Variants in GAS7 observed in about 807,000 individuals in gnomAD.
The protein encoded by GAS7 is growth arrest specific 7, also known as growth arrest-specific protein 7.
A neutral mutation model predicts 71.1 loss-of-function variants in GAS7; 28 were observed. That is an observed-to-expected ratio of 0.39 (90% confidence interval 0.29 to 0.54). GAS7 has a LOEUF of 0.54. GAS7 is among the 20% of genes least tolerant of loss of function. The pLI is 0.62. For synonymous variants in GAS7, 258 were observed against 245.8 expected (o/e 1.05, Z -0.46); for missense variants, 436 against 627.8 (o/e 0.69, Z 3.27).
chr17:10,015,015 T>A (rs1005960159), intron 2 of GAS7, among the ~76,000 whole-genome samples: 2 of 151,606 alleles, frequency 1.3e-5, no homozygotes, highest in Admixed American at 1.3e-4. Flanking sequence ...AATAGCTGGG[T>A]GTGGTGGCGC....
chr17:10,075,878 C>T (rs537829251), intron 1 of GAS7, among the ~76,000 whole-genome samples: 1 of 151,178 alleles, frequency 6.6e-6, no homozygotes, highest in Non-Finnish European at 1.5e-5. Context: ...GTGGGCAAAT[C>T]ACTTGAGGCT....
intron 2 of GAS7, among the ~76,000 whole-genome samples, chr17:9,989,860 A>G (rs1370141087): frequency 1.3e-5 from 2 of 152,254 alleles, no homozygotes; most frequent in Non-Finnish European, 2.9e-5. Context: ...CAGGAATCAG[A>G]GAGTGGCTTA....
chr17:10,120,836 TA>T (rs1275202646), intron 1 of GAS7, among the ~76,000 whole-genome samples: 1 of 152,196 alleles, frequency 6.6e-6, no homozygotes, highest in Admixed American at 6.5e-5. Flanking sequence ...GGCAGGCTGC[TA>T]GGGGGAGGGA....
intron 1 of GAS7, among the ~76,000 whole-genome samples, chr17:10,106,473 T>C (rs1303559363): frequency 3.9e-5 from 6 of 152,234 alleles, no homozygotes; most frequent in Non-Finnish European, 8.8e-5. Flanking sequence ...GGAGAGCTAA[T>C]GAAGAACACA....
chr17:10,047,424 C>G (rs2072994038), intron 1 of GAS7, among the ~76,000 whole-genome samples: 1 of 152,142 alleles, frequency 6.6e-6, no homozygotes, highest in African/African-American at 2.4e-5. Context: ...TCAACCTTCC[C>G]CCAAGCCGAC....
chr17:10,195,205 A>C (rs1477485408), intron 1 of GAS7, among the ~76,000 whole-genome samples: 1 of 152,040 alleles, frequency 6.6e-6, no homozygotes, highest in Admixed American at 6.6e-5. Flanking sequence ...TGCCCCAAAA[A>C]CCAAGACCTC....
In GAS7 at chr17:9,970,917, G is replaced by A. The variant is rs76284833; in HGVS notation, c.386-1155C>T. 3.1e-4 allele frequency among the ~76,000 whole-genome samples: 47 copies of A among 152,236 alleles called. No individual in the cohort carries two copies. In the East Asian group the frequency reaches 7.4e-3, roughly 24 times the overall value. ...GTGATCTCGGTTCCCAGGTGGTACC[G>A]CTCTTGTAGAAATATAACTACATAA... On this transcript the variant is annotated intron_variant, in intron 3 of 13. Coordinates refer to ENST00000432992, the MANE Select transcript of GAS7 (RefSeq NM_201433.2).
chr17:9,928,369 G>A (rs941828109), intron 9 of GAS7, among the ~76,000 whole-genome samples: 5 of 150,888 alleles, frequency 3.3e-5, no homozygotes, highest in South Asian at 2.1e-4. Context: ...TGATCCGCCC[G>A]CCTCGGCCTC....
intron 1 of GAS7, among the ~76,000 whole-genome samples, chr17:10,161,051 T>C (rs941617108): frequency 4.6e-5 from 7 of 152,030 alleles, no homozygotes; most frequent in African/African-American, 1.2e-4. Context: ...CAGTTGCAGA[T>C]GGATCCAAGC....
intron 1 of GAS7, among the ~76,000 whole-genome samples, chr17:10,027,979 G>T: frequency 6.6e-6 from 1 of 152,220 alleles, no homozygotes; most frequent in East Asian, 1.9e-4. Context: ...CGCCTCTCAG[G>T]TTTAAACAAT....
At chr17:9,921,149 A>AT (rs1306605073) in intron 11 of GAS7, among the ~76,000 whole-genome samples, 11 of 144,550 alleles carry the variant, frequency 7.6e-5, no homozygotes, top group African/African-American at 2.0e-4. Flanking sequence ...CGTAAAATGC[A>AT]TTTTTTTCTT....
At chr17:10,001,358 A>G (rs2071262360) in intron 2 of GAS7, among the ~76,000 whole-genome samples, 1 of 152,202 alleles carries the variant, frequency 6.6e-6, no homozygotes, top group Admixed American at 6.5e-5. Context: ...GAAACACTGG[A>G]AAACAGAAAA....
At chr17:9,967,457 A>T (rs2069766172) in intron 4 of GAS7, among the ~76,000 whole-genome samples, 1 of 152,130 alleles carries the variant, frequency 6.6e-6, no homozygotes, top group Admixed American at 6.5e-5. Flanking sequence ...ACGTCTCCAG[A>T]CATTGTCAAA....
rs567046591 is a variant in GAS7, at chr17:9,910,920, T to C, written c.*6308A>G. 9.1e-5 allele frequency: 21 copies of C among 231,254 alleles called. No homozygotes were observed. The highest frequency in any genetic ancestry group is 4.2e-4 in the African/African-American group (19 of 45,288). 14.3% of individuals were successfully genotyped at this position (231,254 alleles called of 1,614,324 possible). On this transcript the variant is annotated 3_prime_UTR_variant, in exon 14 of 14. Transcript: ENST00000432992. ...AGTGCTGGCGGGAGACACGGCTCTT[T>C]AACATGAAAAATGTATAAAGTATTT...
chr17:9,940,449 TAGAGCTGTGAAGACG>T (rs1203839650), intron 7 of GAS7, among the ~76,000 whole-genome samples: 1 of 152,220 alleles, frequency 6.6e-6, no homozygotes. Context: ...TCCGGTCTCC[TAGAGCTGTGAAGACG>T]AGAGCTGTCG....
At chr17:10,191,282 T>A (rs971169701) in intron 1 of GAS7, among the ~76,000 whole-genome samples, 2 of 150,550 alleles carry the variant, frequency 1.3e-5, no homozygotes, top group Non-Finnish European at 3.0e-5. Context: ...CAGAAGGCAG[T>A]GAAGAGGCTG....
intron 1 of GAS7, among the ~76,000 whole-genome samples, chr17:10,112,748 A>AG (rs2073825297): frequency 1.3e-5 from 2 of 152,112 alleles, no homozygotes; most frequent in South Asian, 4.2e-4. Flanking sequence ...TCAAAAACAA[A>AG]CAAAGAAAAG....
intron 9 of GAS7, among the ~76,000 whole-genome samples, chr17:9,931,466 C>T (rs1266958167): frequency 1.3e-5 from 2 of 152,152 alleles, no homozygotes; most frequent in Admixed American, 1.3e-4. Flanking sequence ...TGGCTCCCAG[C>T]CCCACCCCAT....
At chr17:10,029,459 G>A (rs946222344) in intron 1 of GAS7, among the ~76,000 whole-genome samples, 18 of 152,124 alleles carry the variant, frequency 1.2e-4, no homozygotes, top group South Asian at 2.1e-4. Context: ...AAATGCATAC[G>A]TAATTATGCA....
Sources: allele counts gnomAD v4.1 joint callset (sites outside exome capture counted in the v4.1 genomes callset), GRCh38; gene constraint gnomAD v4.1.1; transcripts MANE v1.5; gene names NCBI Gene and HGNC (gene_info 2026-07-23, HGNC 2026-07-21).